The following BTBD9 variants were observed in gnomAD, a reference collection of about 807,000 sequenced individuals.
The protein encoded by BTBD9 is BTB/POZ domain-containing protein 9.
BTBD9 carries 49 observed loss-of-function variants against 64.3 expected under a neutral mutation model. The ratio of observed to expected loss-of-function variants is 0.76; its 90% CI spans 0.61 to 0.97. BTBD9 has a LOEUF of 0.97. Ranked by LOEUF, BTBD9 falls within the 50% of genes least tolerant of loss-of-function variation. The pLI, the probability that BTBD9 is intolerant of heterozygous loss-of-function variation, is 0.00. For missense variants in BTBD9, 598 were observed against 762.1 expected, an observed-to-expected ratio of 0.78 and a Z score of 2.53; for synonymous variants, 260 against 274.7, an observed-to-expected ratio of 0.95 and a Z score of 0.53.
At chr6:38,252,669 G>T (rs1230258131) in intron 9 of BTBD9, among the ~76,000 whole-genome samples, 4 of 152,164 alleles carry the variant, frequency 2.6e-5, no homozygotes, top group Non-Finnish European at 4.4e-5. Context: ...GAGAGAAAAA[G>T]ATGTTGGTAA....
At chr6:38,393,021 C>T (rs766154281) in intron 6 of BTBD9, among the ~76,000 whole-genome samples, 27 of 151,880 alleles carry the variant, frequency 1.8e-4, no homozygotes, top group South Asian at 6.2e-4. Context: ...ATTACAGGCG[C>T]GTGCCACCAT....
At chr6:38,562,370 T>C (rs1221084207) in intron 6 of BTBD9, among the ~76,000 whole-genome samples, 1 of 152,236 alleles carries the variant, frequency 6.6e-6, no homozygotes, top group Non-Finnish European at 1.5e-5. Context: ...ACCAGGTACC[T>C]TTATTTACCT....
At chr6:38,382,685 TAAAAG>T (rs1412247355) in intron 6 of BTBD9, among the ~76,000 whole-genome samples, 2 of 151,892 alleles carry the variant, frequency 1.3e-5, no homozygotes, top group Non-Finnish European at 2.9e-5. Flanking sequence ...GATGGATTGA[TAAAAG>T]AGAGAAAGGA....
At chr6:38,298,471 G>A (rs1582186365) in intron 7 of BTBD9, among the ~76,000 whole-genome samples, 1 of 151,866 alleles carries the variant, frequency 6.6e-6, no homozygotes, top group African/African-American at 2.4e-5. Flanking sequence ...AGTATCCCTC[G>A]CCTCAAGTAT....
rs779131995 is a variant in BTBD9, at chr6:38,344,984, C to G, written c.1264G>C (p.Val422Leu). 1 of 1,568,376 alleles carries G rather than the reference C, an allele frequency of 6.4e-7. No homozygotes were observed. Among genetic ancestry groups the G allele is most frequent in the Admixed American group, 1.7e-5 (1 of 58,190 alleles). Residue 422 changes from valine (V) to leucine (L), a missense_variant and splice_region_variant, in exon 7 of 11, where the codon GTT becomes CTT. Transcript: ENST00000481247. ...ACAAAAATCTAATGGTAATACTTACCTATCAGCCCCTTCTCAAGAGTGAAG... is the reference window on the plus strand; with the variant it reads ...ACAAAAATCTAATGGTAATACTTACGTATCAGCCCCTTCTCAAGAGTGAAG... ...KTFTLEKGLI[V>L]PMENVATIAD...
At chr6:38,605,066 A>T (rs948867573) in intron 1 of BTBD9, among the ~76,000 whole-genome samples, 13 of 148,946 alleles carry the variant, frequency 8.7e-5, no homozygotes, top group Non-Finnish European at 1.2e-4. Context: ...TTTTTTTTTT[A>T]AAGGCAATCT....
intron 1 of BTBD9, among the ~76,000 whole-genome samples, chr6:38,603,876 T>C (rs1220282359): frequency 3.3e-5 from 5 of 152,264 alleles, no homozygotes; most frequent in Non-Finnish European, 7.3e-5. Context: ...TTGGTACCCA[T>C]GTGCTGTGTA....
intron 7 of BTBD9, among the ~76,000 whole-genome samples, chr6:38,303,893 A>G (rs1191849359): frequency 7.7e-5 from 11 of 142,968 alleles, no homozygotes; most frequent in Non-Finnish European, 9.2e-5. Context: ...ACACATGTGT[A>G]TATATATACG....
chr6:38,392,823 T>G (rs1201664609), intron 6 of BTBD9, among the ~76,000 whole-genome samples: 2 of 150,204 alleles, frequency 1.3e-5, no homozygotes, highest in Admixed American at 6.6e-5. Flanking sequence ...AAATATAACA[T>G]AAGGCAATGA....
At chr6:38,370,307 C>T (rs892379259) in intron 6 of BTBD9, among the ~76,000 whole-genome samples, 1 of 152,090 alleles carries the variant, frequency 6.6e-6, no homozygotes, top group Non-Finnish European at 1.5e-5. Flanking sequence ...CATAAATGTA[C>T]CTCATTTAAA....
intron 6 of BTBD9, among the ~76,000 whole-genome samples, chr6:38,564,604 T>C (rs1478145929): frequency 6.6e-6 from 1 of 151,814 alleles, no homozygotes; most frequent in East Asian, 1.9e-4. Flanking sequence ...AATCTCACTA[T>C]ATGGCCGAGC....
intron 6 of BTBD9, among the ~76,000 whole-genome samples, chr6:38,465,414 G>C (rs1365920984): frequency 6.9e-6 from 1 of 144,108 alleles, no homozygotes; most frequent in Non-Finnish European, 1.5e-5. Context: ...TCAGGAAATC[G>C]AGACCATCCT....
At chr6:38,256,307 G>C (rs1764576828) in intron 9 of BTBD9, 102 bp downstream of exon 9, 11 of 764,300 alleles carry the variant, frequency 1.4e-5, no homozygotes, top group South Asian at 1.4e-4. Context: ...CTCCAAATAA[G>C]AATGTAATTT....
rs566388534 is a variant in BTBD9 at position 38,489,983 on chromosome 6, G to C, written c.1154+87617C>G. 3.9e-5 allele frequency among the ~76,000 whole-genome samples: 6 copies of C among 152,222 alleles called. No individual in the cohort carries two copies. The South Asian group carries it at 1.2e-3, about 32-fold the overall frequency. ...TTAATCTTGAAATGTAGCATTTCCAGCTAGTCAAATCCTCTGCATTTGTCC... is the reference window on the plus strand; with the variant it reads ...TTAATCTTGAAATGTAGCATTTCCACCTAGTCAAATCCTCTGCATTTGTCC... On this transcript the variant is annotated intron_variant, in intron 6 of 10. Transcript: ENST00000481247.
chr6:38,595,746 G>T (rs1267162267), intron 2 of BTBD9: 1 of 984,270 alleles, frequency 1.0e-6, no homozygotes, highest in Non-Finnish European at 1.2e-6. Context: ...ACCCAGAAAA[G>T]ATTCATGAAT....
At chr6:38,449,103 G>C (rs1185357520) in intron 6 of BTBD9, among the ~76,000 whole-genome samples, 1 of 152,160 alleles carries the variant, frequency 6.6e-6, no homozygotes, top group Non-Finnish European at 1.5e-5. Flanking sequence ...CATCTGTTCA[G>C]CTTACAGAAG....
At chr6:38,621,210 C>T (rs1018082200) in intron 1 of BTBD9, among the ~76,000 whole-genome samples, 19 of 152,140 alleles carry the variant, frequency 1.2e-4, no homozygotes, top group African/African-American at 4.6e-4. Flanking sequence ...TACTAGGTGC[C>T]AAAGGAAATT....
intron 6 of BTBD9, among the ~76,000 whole-genome samples, chr6:38,453,635 T>C (rs886793607): frequency 1.3e-5 from 2 of 152,240 alleles, no homozygotes; most frequent in South Asian, 2.1e-4. Context: ...AACACCCCCC[T>C]GAGGACAGCC....
chr6:38,417,774 A>AGG (rs1366269992), intron 6 of BTBD9, among the ~76,000 whole-genome samples: 4 of 64,858 alleles, frequency 6.2e-5, no homozygotes, highest in East Asian at 1.0e-3. Context: ...CCCTGTCTCG[A>AGG]GGAGAGAGAG....
Sources: allele counts gnomAD v4.1 joint callset (sites outside exome capture counted in the v4.1 genomes callset), GRCh38; gene constraint gnomAD v4.1.1; transcripts MANE v1.5; gene names NCBI Gene and HGNC (gene_info 2026-07-23, HGNC 2026-07-21).